CACUL1: variants seen among roughly 807,000 people sequenced by gnomAD.
CACUL1 encodes CDK2 associated cullin domain 1, also known as CDK2-associated and cullin domain-containing protein 1.
A neutral mutation model predicts 45.2 loss-of-function variants in CACUL1; 13 were observed. The observed-to-expected ratio is 0.29, with a 90% confidence interval of 0.19 to 0.46. The LOEUF is 0.46. CACUL1 is among the 20% of genes least tolerant of loss of function. The probability of loss-of-function intolerance (pLI) is 1.00; values close to 1 mark genes in which losing one functional copy is unlikely to be tolerated. For synonymous variants in CACUL1, 197 were observed against 174.2 expected, an observed-to-expected ratio of 1.13 and a Z score of -1.03; for missense variants, 421 against 471.4, an observed-to-expected ratio of 0.89 and a Z score of 0.99.
At chr10:118,689,673 C>T (rs560034850) in intron 7 of CACUL1, among the ~76,000 whole-genome samples, 7 of 152,122 alleles carry the variant, frequency 4.6e-5, no homozygotes, top group Non-Finnish European at 8.8e-5. Flanking sequence ...TCATCCCAAG[C>T]AAATCTGACA....
At chr10:118,714,002 GACAATA>G (rs1441450915) in intron 3 of CACUL1, among the ~76,000 whole-genome samples, 1 of 152,052 alleles carries the variant, frequency 6.6e-6, no homozygotes, top group East Asian at 1.9e-4. Context: ...ATTCTAAAAT[GACAATA>G]ACAAACTCAT....
intron 3 of CACUL1, among the ~76,000 whole-genome samples, chr10:118,709,609 A>G (rs571165504): frequency 2.6e-5 from 4 of 152,232 alleles, no homozygotes; most frequent in Non-Finnish European, 4.4e-5. Flanking sequence ...CAGCTTATCA[A>G]TCATATCTTA....
At chr10:118,720,496 C>A (rs1156844920) in intron 3 of CACUL1, among the ~76,000 whole-genome samples, 1 of 152,150 alleles carries the variant, frequency 6.6e-6, no homozygotes, top group South Asian at 2.1e-4. Context: ...GAAAGTATAT[C>A]TTAAAAAGAA....
chr10:118,715,867 G>C (rs1016646780), intron 3 of CACUL1, among the ~76,000 whole-genome samples: 1 of 152,128 alleles, frequency 6.6e-6, no homozygotes, highest in African/African-American at 2.4e-5. Flanking sequence ...TACTAAACAT[G>C]ACAAAACATG....
chr10:118,724,455 T>C (rs1036823192), intron 3 of CACUL1, among the ~76,000 whole-genome samples: 2 of 152,130 alleles, frequency 1.3e-5, no homozygotes, highest in African/African-American at 4.8e-5. Flanking sequence ...CCAGACCCAG[T>C]AGAGTCATAG....
chr10:118,705,907 A>G (rs191009343), intron 4 of CACUL1, among the ~76,000 whole-genome samples: 44 of 152,374 alleles, frequency 2.9e-4, no homozygotes, highest in African/African-American at 9.6e-4. Flanking sequence ...AATTCTCAAA[A>G]GTAACTACAA....
At chr10:118,750,097 CG>C (rs1489368045) in intron 1 of CACUL1, among the ~76,000 whole-genome samples, 2 of 152,150 alleles carry the variant, frequency 1.3e-5, no homozygotes, top group African/African-American at 4.8e-5. Flanking sequence ...GAGGCCAAGG[CG>C]GGTGGATGAC....
intron 2 of CACUL1, 25 bp downstream of exon 2, chr10:118,730,259 C>G (rs1196470883): frequency 6.2e-7 from 1 of 1,612,018 alleles, no homozygotes; most frequent in African/African-American, 1.3e-5. Flanking sequence ...CCTTTCAAAC[C>G]CAAGCAAATT....
chr10:118,715,197 C>T (rs1232437012), intron 3 of CACUL1, among the ~76,000 whole-genome samples: 2 of 152,022 alleles, frequency 1.3e-5, no homozygotes, highest in African/African-American at 4.8e-5. Flanking sequence ...CTGCGAAATA[C>T]CACTAAAAAT....
intron 7 of CACUL1, among the ~76,000 whole-genome samples, chr10:118,686,932 C>T (rs915172532): frequency 6.6e-6 from 1 of 152,186 alleles, no homozygotes; most frequent in East Asian, 1.9e-4. Context: ...AAGCTACCTA[C>T]AAATCCTATT....
intron 1 of CACUL1, among the ~76,000 whole-genome samples, chr10:118,740,796 G>T (rs1460826825): frequency 6.6e-6 from 1 of 151,654 alleles, no homozygotes; most frequent in African/African-American, 2.4e-5. Context: ...CGTGGTGGCA[G>T]GCGCCTGTAG....
intron 3 of CACUL1, among the ~76,000 whole-genome samples, chr10:118,722,140 A>C (rs2119622685): frequency 6.6e-6 from 1 of 150,980 alleles, no homozygotes; most frequent in East Asian, 1.9e-4. Flanking sequence ...CTAGAGTGCA[A>C]TGGTGCGATC....
chr10:118,748,891 G>C (rs1472013108), intron 1 of CACUL1, among the ~76,000 whole-genome samples: 1 of 152,122 alleles, frequency 6.6e-6, no homozygotes, highest in Non-Finnish European at 1.5e-5. Flanking sequence ...ATATTGAATG[G>C]AGGAGAAGAG....
chr10:118,702,177 A>T (rs1322031201), intron 4 of CACUL1, among the ~76,000 whole-genome samples: 1 of 152,130 alleles, frequency 6.6e-6, no homozygotes, highest in East Asian at 1.9e-4. Flanking sequence ...CCACCACAGA[A>T]CAACCCCTTT....
At chr10:118,718,252 A>T (rs1367576169) in intron 3 of CACUL1, among the ~76,000 whole-genome samples, 3 of 152,178 alleles carry the variant, frequency 2.0e-5, no homozygotes, top group Non-Finnish European at 4.4e-5. Context: ...TGCTGATGGA[A>T]GCACAGGAAA....
intron 1 of CACUL1, among the ~76,000 whole-genome samples, chr10:118,746,530 T>C (rs182728298): frequency 1.3e-5 from 2 of 152,260 alleles, no homozygotes; most frequent in Non-Finnish European, 1.5e-5. Flanking sequence ...AGATAAAATC[T>C]TGACTTTGGG....
chr10:118,690,381 GC>G (rs1845253172), intron 7 of CACUL1, among the ~76,000 whole-genome samples: 1 of 149,874 alleles, frequency 6.7e-6, no homozygotes, highest in Non-Finnish European at 1.5e-5. Flanking sequence ...TAAATGATTT[GC>G]TGATACAGGC....
rs907257913 is a variant in CACUL1 at position 118,682,623 on chromosome 10, C to T, written c.*3505G>A. 9.8e-5 allele frequency: 15 copies of T among 152,718 alleles called. No individual in the cohort carries two copies. Among genetic ancestry groups the T allele is most frequent in the East Asian group, 1.9e-4 (1 of 5,188 alleles). The allele number at this position is 152,718 out of a possible 1,614,324, so 9.5% of individuals were successfully genotyped here. On this transcript the variant is annotated 3_prime_UTR_variant, in exon 9 of 9. Coordinates refer to ENST00000369151, the MANE Select transcript of CACUL1 (RefSeq NM_153810.5). Reference sequence around the variant, plus strand: ...GAAGTTATCCTTTTGTGCTGAAAAACGTTCAAATCCCTTGTTTGGTCAGTA... The same window carrying T: ...GAAGTTATCCTTTTGTGCTGAAAAATGTTCAAATCCCTTGTTTGGTCAGTA...
chr10:118,749,189 T>C (rs1845872653), intron 1 of CACUL1, among the ~76,000 whole-genome samples: 2 of 151,756 alleles, frequency 1.3e-5, no homozygotes, highest in East Asian at 1.9e-4. Flanking sequence ...CGATGGGCAA[T>C]ACTGCCATTA....
Sources: gnomAD v4.1 joint callset for allele counts (sites outside exome capture counted in the v4.1 genomes callset) on GRCh38, gnomAD v4.1.1 for gene constraint, MANE v1.5 for transcripts, NCBI Gene and HGNC (gene_info 2026-07-23, HGNC 2026-07-21) for gene names.